The following NEO1 variants were observed in gnomAD, a reference collection of about 807,000 sequenced individuals.
The protein encoded by NEO1 is neogenin 1.
NEO1 carries 63 observed loss-of-function variants against 159.7 expected under a neutral mutation model. The observed-to-expected ratio is 0.39, with a 90% CI of 0.32 to 0.49. The LOEUF is 0.49. Ranked by LOEUF, NEO1 falls within the 20% of genes least tolerant of loss-of-function variation. The pLI, the probability that NEO1 is intolerant of heterozygous loss-of-function variation, is 0.85. For synonymous variants in NEO1, 633 were observed against 662.0 expected (o/e 0.96, Z 0.67); for missense variants, 1,615 against 1,831.0 (o/e 0.88, Z 2.15).
At chr15:73,192,828 T>C (rs2036313001) in intron 7 of NEO1, among the ~76,000 whole-genome samples, 1 of 152,008 alleles carries the variant, frequency 6.6e-6, no homozygotes. Flanking sequence ...AATCTATTAA[T>C]GATGGTTATA....
chr15:73,283,113 TAAG>T lies in NEO1; in HGVS notation c.3410+6_3410+8del. The T allele has an allele frequency of 6.2e-7, 1 of 1,614,078 alleles. No individual in the cohort carries two copies. Among genetic ancestry groups the T allele is most frequent in the Non-Finnish European group, 8.5e-7 (1 of 1,180,008 alleles). ...TCGTACCACCTCTCACCAGAAAAAG[TAAG>T]AAGCCCCAGATGCACCCCTTAGATT... On this transcript the variant is annotated splice_donor_5th_base_variant and intron_variant, in intron 23 of 28. Transcript: ENST00000261908.
In NEO1 at chr15:73,116,559, C is replaced by G. The variant is rs1596033796; in HGVS notation, c.150C>G (p.Phe50Leu). ...PQSPGASIRT[F>L]TPFYFLVEPV... Reference sequence around the variant, plus strand: ...TTGTAGGAGCCAGCATTCGAACGTTCACTCCATTTTATTTTCTGGTGGAGC... The same window carrying G: ...TTGTAGGAGCCAGCATTCGAACGTTGACTCCATTTTATTTTCTGGTGGAGC... Residue 50 changes from phenylalanine (F) to leucine (L), a missense_variant, in exon 2 of 29, where the codon TTC (phenylalanine) becomes TTG (leucine). Physicochemically the swap from Phe to Leu is conservative, Grantham distance 22. Coordinates refer to ENST00000261908, the MANE Select transcript of NEO1 (RefSeq NM_002499.4). 3 of 1,534,138 alleles carry G rather than the reference C, an allele frequency of 2.0e-6. No individual in the cohort carries two copies. Among genetic ancestry groups the G allele is most frequent in the Non-Finnish European group, 8.7e-7 (1 of 1,146,324 alleles).
At position 73,290,389 on chromosome 15, in the gene NEO1, C is replaced by T. The variant is rs373107000; in HGVS notation, c.3742+1151C>T. Among the ~76,000 whole-genome samples the T allele has an allele frequency of 2.6e-5, 4 of 151,498 alleles. No homozygotes were observed. In the South Asian group the frequency reaches 6.3e-4, roughly 24 times the overall value. On this transcript the variant is annotated intron_variant, in intron 25 of 28. Transcript: ENST00000261908. ...CCAAGCAGCTGGGATTACAGGTGCT[C>T]GCCACCACACCTGGCTAGTTTTTTG...
intron 7 of NEO1, among the ~76,000 whole-genome samples, chr15:73,205,908 T>C (rs1439139227): frequency 1.3e-5 from 2 of 152,086 alleles, no homozygotes; most frequent in African/African-American, 4.8e-5. Flanking sequence ...ATCTGTAATT[T>C]TTTTTTTGTT....
chr15:73,156,418 T>C (rs947249247), intron 5 of NEO1, among the ~76,000 whole-genome samples: 4 of 152,182 alleles, frequency 2.6e-5, no homozygotes, highest in Admixed American at 1.3e-4. Flanking sequence ...TAGTTCCAGG[T>C]AGGCTGATTC....
intron 1 of NEO1, among the ~76,000 whole-genome samples, chr15:73,098,820 G>A (rs1283201428): frequency 1.3e-5 from 2 of 152,106 alleles, no homozygotes; most frequent in Non-Finnish European, 2.9e-5. Flanking sequence ...AATTGCGCTA[G>A]ATTTTGCAGA....
chr15:73,160,411 A>T (rs1049052277), intron 5 of NEO1, among the ~76,000 whole-genome samples: 6 of 152,130 alleles, frequency 3.9e-5, no homozygotes, highest in Admixed American at 2.6e-4. Context: ...AGTTTATTTC[A>T]TATGTATATT....
chr15:73,155,786 A>G (rs2033728376), intron 5 of NEO1, among the ~76,000 whole-genome samples: 1 of 152,192 alleles, frequency 6.6e-6, no homozygotes, highest in Non-Finnish European at 1.5e-5. Context: ...CCTTCAATGA[A>G]TTGTTCAGTT....
chr15:73,129,528 C>T (rs1479654606), intron 4 of NEO1, among the ~76,000 whole-genome samples: 3 of 152,112 alleles, frequency 2.0e-5, no homozygotes, highest in African/African-American at 7.2e-5. Context: ...TATATTTAAC[C>T]TTTGATCAAA....
intron 25 of NEO1, among the ~76,000 whole-genome samples, chr15:73,290,594 A>G (rs987126639): frequency 6.6e-6 from 1 of 152,222 alleles, no homozygotes. Context: ...TGATAAGCAT[A>G]AAGGTTTCTG....
chr15:73,176,255 A>G (rs983131959), intron 5 of NEO1, 148 bp from the exon 6 acceptor site: 1 of 409,192 alleles, frequency 2.4e-6, no homozygotes, highest in Non-Finnish European at 4.2e-6. Context: ...TTTATTATAT[A>G]TTTATTTTAT....
At position 73,222,983 on chromosome 15, in the gene NEO1, T is replaced by C. The variant is rs546003213; in HGVS notation, c.1292-13364T>C. Among the ~76,000 whole-genome samples the C allele has an allele frequency of 8.5e-5, 13 of 152,338 alleles. No homozygotes were observed. The East Asian group carries it at 2.3e-3, about 27-fold the overall frequency. On this transcript the variant is annotated intron_variant, in intron 7 of 28. Coordinates refer to ENST00000261908, the MANE Select transcript of NEO1 (RefSeq NM_002499.4). ...AGGTCTTGTTAGATTGTGTCATTATTGTCATTCAGTTTGAAGAATTTTAAA... is the reference window on the plus strand; with the variant it reads ...AGGTCTTGTTAGATTGTGTCATTATCGTCATTCAGTTTGAAGAATTTTAAA...
chr15:73,119,958 G>A (rs2071539471), intron 2 of NEO1, among the ~76,000 whole-genome samples: 2 of 152,136 alleles, frequency 1.3e-5, no homozygotes, highest in East Asian at 3.9e-4. Context: ...CCAACATGGT[G>A]AAACCCCATC....
chr15:73,085,034 AGGAAGTTT>A (rs1395448298), intron 1 of NEO1, among the ~76,000 whole-genome samples: 1 of 152,114 alleles, frequency 6.6e-6, no homozygotes, highest in African/African-American at 2.4e-5. Flanking sequence ...ATGGATGATG[AGGAAGTTT>A]GGGGCAGAAG....
intron 11 of NEO1, among the ~76,000 whole-genome samples, chr15:73,250,422 G>A (rs1437940226): frequency 2.6e-5 from 4 of 152,022 alleles, no homozygotes; most frequent in African/African-American, 4.8e-5. Context: ...TGTGTATACC[G>A]CTCTTACGTA....
In NEO1 at chr15:73,229,570, G is replaced by C. The variant is rs561021341; in HGVS notation, c.1292-6777G>C. ...AGTATTTCCTTTTTCTCTTTTTCTT[G>C]CCATTTTGCACTTGCTAGGACTTTT... On this transcript the variant is annotated intron_variant, in intron 7 of 28. Coordinates refer to ENST00000261908, the MANE Select transcript of NEO1 (RefSeq NM_002499.4). 4.4e-4 allele frequency among the ~76,000 whole-genome samples: 64 copies of C among 146,584 alleles called. No homozygotes were observed. The East Asian group carries it at 0.013, about 29-fold the overall frequency.
At chr15:73,118,541 A>G (rs546270597) in intron 2 of NEO1, among the ~76,000 whole-genome samples, 1 of 144,842 alleles carries the variant, frequency 6.9e-6, no homozygotes, top group East Asian at 2.0e-4. Flanking sequence ...GCCTTTGCTC[A>G]TGGCATCCCC....
At chr15:73,201,645 A>C (rs191683141) in intron 7 of NEO1, among the ~76,000 whole-genome samples, 1 of 152,202 alleles carries the variant, frequency 6.6e-6, no homozygotes, top group Non-Finnish European at 1.5e-5. Context: ...TTTATCAATT[A>C]CTGACAGAAG....
At chr15:73,154,265 T>C (rs1401198459) in intron 5 of NEO1, among the ~76,000 whole-genome samples, 1 of 152,144 alleles carries the variant, frequency 6.6e-6, no homozygotes, top group Non-Finnish European at 1.5e-5. Flanking sequence ...ACATGAGATA[T>C]TTTGACGCTG....
Sources: gnomAD v4.1 joint callset for allele counts (sites outside exome capture counted in the v4.1 genomes callset) on GRCh38, gnomAD v4.1.1 for gene constraint, MANE v1.5 for transcripts, NCBI Gene and HGNC (gene_info 2026-07-23, HGNC 2026-07-21) for gene names.